The following BCL2 variants were observed in gnomAD, a reference collection of about 807,000 sequenced individuals.
The protein encoded by BCL2 is BCL2 apoptosis regulator.
Under a neutral mutation model 14.2 loss-of-function variants are expected in BCL2, and 1 was observed. The observed-to-expected ratio is 0.07, with a 90% CI of 0.02 to 0.33. The LOEUF is 0.33. BCL2 is among the 10% of genes least tolerant of loss of function. BCL2 has a pLI of 0.99. For synonymous variants in BCL2, 151 were observed against 137.2 expected, an observed-to-expected ratio of 1.10 and a Z score of -0.70; for missense variants, 247 against 305.9, an observed-to-expected ratio of 0.81 and a Z score of 1.44.
In BCL2 at chr18:63,269,753, T is replaced by C. The variant is rs143761526; in HGVS notation, c.585+48329A>G. Among the ~76,000 whole-genome samples, 432 of 152,318 alleles carry C rather than the reference T, an allele frequency of 2.8e-3. 5 individuals carry two copies. The highest frequency in any genetic ancestry group is 0.01 in the African/African-American group (420 of 41,558). ...TTTGATTAGTTTGAAATGTATTATT[T>C]TGAAAAATAATGTCAGTCGAAATTG... On this transcript the variant is annotated intron_variant, in intron 2 of 2. Transcript: ENST00000333681.
At chr18:63,293,368 A>T (rs1912708407) in intron 2 of BCL2, among the ~76,000 whole-genome samples, 1 of 152,226 alleles carries the variant, frequency 6.6e-6, no homozygotes, top group Non-Finnish European at 1.5e-5. Context: ...CAACAGAATA[A>T]CAATTTTCAG....
chr18:63,208,685 T>G (rs1009865084), intron 2 of BCL2, among the ~76,000 whole-genome samples: 2 of 152,170 alleles, frequency 1.3e-5, no homozygotes, highest in African/African-American at 2.4e-5. Context: ...GTGAAGGGTT[T>G]TAACTATCGG....
At chr18:63,250,581 T>C (rs1181540706) in intron 2 of BCL2, among the ~76,000 whole-genome samples, 1 of 152,244 alleles carries the variant, frequency 6.6e-6, no homozygotes, top group Non-Finnish European at 1.5e-5. Flanking sequence ...TAATGGAGAA[T>C]GGAAACTTTC....
intron 2 of BCL2, among the ~76,000 whole-genome samples, chr18:63,142,597 A>C (rs1162287288): frequency 6.6e-6 from 1 of 152,178 alleles, no homozygotes; most frequent in Admixed American, 6.5e-5. Flanking sequence ...TCTGCAGCTC[A>C]ATGGGTCATT....
intron 2 of BCL2, among the ~76,000 whole-genome samples, chr18:63,166,194 A>G (rs994844172): frequency 1.3e-5 from 2 of 152,230 alleles, no homozygotes; most frequent in African/African-American, 4.8e-5. Context: ...GTTGGCAGGA[A>G]GAAATGTGAC....
intron 2 of BCL2, among the ~76,000 whole-genome samples, chr18:63,243,136 A>T (rs1911056395): frequency 6.6e-6 from 1 of 152,242 alleles, no homozygotes. Flanking sequence ...GGATAAAGAA[A>T]ATTTGGTACA....
chr18:63,253,180 A>G lies in BCL2; in HGVS notation c.585+64902T>C, dbSNP rs1051689044. On this transcript the variant is annotated intron_variant, in intron 2 of 2. Coordinates refer to ENST00000333681, the MANE Select transcript of BCL2 (RefSeq NM_000633.3). Reference sequence around the variant, plus strand: ...CGCATTTAAAGCTCACAGCAGCCCTATGAGGAAAATGCTGTAATACGTGGC... The same window carrying G: ...CGCATTTAAAGCTCACAGCAGCCCTGTGAGGAAAATGCTGTAATACGTGGC... Among the ~76,000 whole-genome samples, 3 of 152,202 alleles carry G rather than the reference A, an allele frequency of 2.0e-5. No homozygotes were observed. In the East Asian group the frequency reaches 5.8e-4, roughly 29 times the overall value.
chr18:63,257,221 T>A (rs1263758010), intron 2 of BCL2, among the ~76,000 whole-genome samples: 1 of 152,192 alleles, frequency 6.6e-6, no homozygotes, highest in Non-Finnish European at 1.5e-5. Context: ...GCTTACCTGT[T>A]GCTAAAAACT....
Position 63,318,120 on chromosome 18 carries a change from G to A in BCL2, c.547C>T (p.Arg183Trp), listed in dbSNP as rs868435115. ...IALWMTEYLN[R>W]HLHTWIQDNG... ...TCCTGGATCCAGGTGTGCAGGTGCC[G>A]GTTCAGGTACTCAGTCATCCACAGG... Residue 183 changes from arginine (R) to tryptophan (W), a missense_variant, in exon 2 of 3, where the codon CGG (arginine) becomes TGG (tryptophan). This residue lies in a region of BCL2 where 67 missense variants were observed against 145.7 expected (regional missense o/e 0.46). Transcript: ENST00000333681. The surrounding 1 kb of genome is among the most constrained non-coding windows in gnomAD (Gnocchi z 7.4). 3.1e-6 allele frequency: 5 copies of A among 1,614,052 alleles called. No individual in the cohort carries two copies. Among genetic ancestry groups the A allele is most frequent in the Non-Finnish European group, 4.2e-6 (5 of 1,180,024 alleles).
At chr18:63,129,833 T>C (rs1914019060) in intron 2 of BCL2, among the ~76,000 whole-genome samples, 1 of 152,118 alleles carries the variant, frequency 6.6e-6, no homozygotes, top group East Asian at 1.9e-4. Flanking sequence ...TGCCAACCTC[T>C]AAGGTCAAGG....
At chr18:63,201,593 A>G (rs1316860138) in intron 2 of BCL2, among the ~76,000 whole-genome samples, 2 of 152,322 alleles carry the variant, frequency 1.3e-5, no homozygotes, top group East Asian at 1.9e-4. Flanking sequence ...TCCATCAATA[A>G]TAGACTGGAT....
At chr18:63,300,492 G>GTGTGTT (rs1912935431) in intron 2 of BCL2, among the ~76,000 whole-genome samples, 1 of 151,394 alleles carries the variant, frequency 6.6e-6, no homozygotes, top group Admixed American at 6.6e-5. Context: ...GTGTGTGTGT[G>GTGTGTT]TATTTTACTT....
chr18:63,314,670 G>C (rs1913442179), intron 2 of BCL2: 1 of 152,168 alleles, frequency 6.6e-6, no homozygotes, highest in African/African-American at 2.4e-5. Context: ...TCCCTTGCCT[G>C]CAAGAGTCCC....
At position 63,169,236 on chromosome 18, in the gene BCL2, T is replaced by C. The variant is rs933876387; in HGVS notation, c.586-40477A>G. Among the ~76,000 whole-genome samples, 3 of 149,678 alleles carry C rather than the reference T, an allele frequency of 2.0e-5. 1 individual carries two copies. Among genetic ancestry groups the C allele is most frequent in the African/African-American group, 7.4e-5 (3 of 40,468 alleles). On this transcript the variant is annotated intron_variant, in intron 2 of 2. Transcript: ENST00000333681. Reference sequence around the variant, plus strand: ...AGTTAAATGCAGACAGAATAGTTTTTCCCCTTCGTGTTTTTCTTTCTTTCT... The same window carrying C: ...AGTTAAATGCAGACAGAATAGTTTTCCCCCTTCGTGTTTTTCTTTCTTTCT...
chr18:63,237,119 G>A (rs962475907), intron 2 of BCL2, among the ~76,000 whole-genome samples: 1 of 152,122 alleles, frequency 6.6e-6, no homozygotes. Context: ...AAACGCCGCT[G>A]GTCGGCCCCC....
rs776497748 is a variant in BCL2 at position 63,300,464 on chromosome 18, C to CTGTG, written c.585+17617_585+17618insCACA. ...GATCTTGTGCTCCTTCTCTCTCTCT[C>CTGTG]TCTGTGTGTGTGTGTGTGTGTGTGT... On this transcript the variant is annotated intron_variant, in intron 2 of 2. Transcript: ENST00000333681. 1.0e-3 allele frequency among the ~76,000 whole-genome samples: 145 copies of CTGTG among 142,108 alleles called. 3 individuals are homozygous for CTGTG. Among genetic ancestry groups the CTGTG allele is most frequent in the African/African-American group, 9.4e-4 (38 of 40,232 alleles). 93.2% of individuals were successfully genotyped at this position (142,108 alleles called of 152,430 possible).
intron 2 of BCL2, among the ~76,000 whole-genome samples, chr18:63,154,288 AC>A (rs1349452556): frequency 3.9e-5 from 6 of 152,048 alleles, no homozygotes; most frequent in African/African-American, 1.4e-4. Flanking sequence ...ACTTCTGTTC[AC>A]CCCACTGCAT....
At chr18:63,224,122 T>C (rs1910481505) in intron 2 of BCL2, among the ~76,000 whole-genome samples, 2 of 151,572 alleles carry the variant, frequency 1.3e-5, no homozygotes, top group South Asian at 2.1e-4. Context: ...AATAGATGGG[T>C]TGGAAATTGA....
At chr18:63,303,429 C>T (rs1252551838) in intron 2 of BCL2, among the ~76,000 whole-genome samples, 4 of 152,166 alleles carry the variant, frequency 2.6e-5, no homozygotes, top group Non-Finnish European at 5.9e-5. Context: ...GGAAAGATTT[C>T]ACCTTCTAGT....
Sources: gnomAD v4.1 joint callset for allele counts (sites outside exome capture counted in the v4.1 genomes callset) on GRCh38, gnomAD v4.1.1 for gene constraint, gnomAD v4.1.1 regional missense constraint, Gnocchi (gnomAD v3.1) non-coding constraint, MANE v1.5 for transcripts, NCBI Gene and HGNC (gene_info 2026-07-23, HGNC 2026-07-21) for gene names.